RAB20: variants seen among roughly 807,000 people sequenced by gnomAD.
RAB20 encodes the protein ras-related protein Rab-20.
RAB20 carries 2 observed loss-of-function variants against 3.7 expected under a neutral mutation model. The ratio of observed to expected loss-of-function variants is 0.54; its 90% CI spans 0.22 to 1.69. The LOEUF (loss-of-function observed/expected upper bound fraction) is 1.69, where lower values mean the gene tolerates loss of function less well. Ranked by LOEUF, RAB20 falls within the 40% of genes most tolerant of loss-of-function variation. The pLI is 0.19. For missense variants in RAB20, 276 were observed against 311.9 expected, an observed-to-expected ratio of 0.88 and a Z score of 0.87; for synonymous variants, 126 against 130.8, an observed-to-expected ratio of 0.96 and a Z score of 0.25.
intron 1 of RAB20, among the ~76,000 whole-genome samples, chr13:110,548,958 A>G (rs1047964289): frequency 1.5e-4 from 23 of 152,234 alleles, no homozygotes; most frequent in Non-Finnish European, 1.5e-4. Flanking sequence ...CAGCCAGGTA[A>G]GGGCTGGGTC....
At chr13:110,544,720 A>G (rs1884822018) in intron 1 of RAB20, among the ~76,000 whole-genome samples, 1 of 152,230 alleles carries the variant, frequency 6.6e-6, no homozygotes. Context: ...AGAACCAGAG[A>G]GGAGTGCCAC....
At chr13:110,527,120 A>G (rs956620725) in intron 1 of RAB20, among the ~76,000 whole-genome samples, 6 of 152,136 alleles carry the variant, frequency 3.9e-5, no homozygotes, top group Non-Finnish European at 7.3e-5. Flanking sequence ...CCAAATAGCC[A>G]AGAAGCACAA....
In RAB20 at chr13:110,561,290, C is replaced by A. The variant is rs1466017933; in HGVS notation, c.172+58G>T. 3 of 1,482,666 alleles carry A rather than the reference C, an allele frequency of 2.0e-6. No homozygotes were observed. In the African/African-American group the frequency reaches 4.4e-5, roughly 22 times the overall value. The allele number at this position is 1,482,666 out of a possible 1,614,324, so 91.8% of individuals were successfully genotyped here. The stretch of plus-strand genomic sequence containing the variant: ...GCCGGGTGCCCTGCTGGAAGCCCCG[C>A]GCCCCCCGTCCCCGGCGGAGCCCCA... On this transcript the variant is annotated intron_variant, in intron 1 of 1. Transcript: ENST00000267328.
intron 1 of RAB20, among the ~76,000 whole-genome samples, chr13:110,526,215 C>T (rs984088540): frequency 3.9e-5 from 6 of 152,226 alleles, no homozygotes; most frequent in Non-Finnish European, 7.3e-5. Flanking sequence ...CCTCCACTCT[C>T]GAGCTCAGAA....
intron 1 of RAB20, among the ~76,000 whole-genome samples, chr13:110,558,417 CTT>C (rs1356807403): frequency 1.4e-5 from 2 of 142,018 alleles, no homozygotes; most frequent in African/African-American, 5.3e-5. Context: ...GAGTCTTACT[CTT>C]GTCACCCAGG....
At chr13:110,556,583 G>C (rs1885042818) in intron 1 of RAB20, among the ~76,000 whole-genome samples, 2 of 152,082 alleles carry the variant, frequency 1.3e-5, no homozygotes, top group Admixed American at 1.3e-4. Context: ...GCCCAGGCTG[G>C]AGTGCAGTGG....
At chr13:110,554,345 T>C (rs745749369) in intron 1 of RAB20, among the ~76,000 whole-genome samples, 4 of 152,090 alleles carry the variant, frequency 2.6e-5, no homozygotes, top group Non-Finnish European at 5.9e-5. Flanking sequence ...GCAACACATA[T>C]GACACAGCCT....
Position 110,523,980 on chromosome 13 carries a change from C to T in RAB20, c.390G>A (p.Glu130=), listed in dbSNP as rs773035299. ...CCCCAGCGTCCATATTGGGACTGCA[C>T]TCTTCCTTCTCCTGGCCCGCCAAGG... ...EGALAGQEKE[E]CSPNMDAGDR... Residue 130 remains glutamate (E), a synonymous_variant, in exon 2 of 2, where the codon GAG becomes GAA. Transcript: ENST00000267328. 4 of 1,614,172 alleles carry T rather than the reference C, an allele frequency of 2.5e-6. No homozygotes were observed. The Admixed American group carries it at 5.0e-5, about 20-fold the overall frequency.
chr13:110,533,983 G>T (rs1594130902), intron 1 of RAB20, among the ~76,000 whole-genome samples: 1 of 152,326 alleles, frequency 6.6e-6, no homozygotes, highest in Admixed American at 6.5e-5. Flanking sequence ...AGCCTCCAGA[G>T]AGCCAATGGC....
intron 1 of RAB20, among the ~76,000 whole-genome samples, chr13:110,533,472 CCT>C (rs1368921299): frequency 2.0e-5 from 3 of 152,046 alleles, no homozygotes; most frequent in African/African-American, 7.2e-5. Context: ...CCCTTGAGCC[CCT>C]GAGTTTGAGA....
chr13:110,524,154 C>T lies in RAB20; in HGVS notation c.216G>A (p.Gly72=). The change falls in exon 2 of 2, where the codon GGG becomes GGA. Residue 72 remains glycine, a synonymous_variant. Coordinates refer to ENST00000267328, the MANE Select transcript of RAB20 (RefSeq NM_017817.3). ...FHGLGSMYCR[G]AAAIILTYDV... Reference sequence around the variant, plus strand: ...CATAGGTGAGGATGATGGCGGCCGCCCCCCGGCAGTACATGGAGCCCAGGC... The same window carrying T: ...CATAGGTGAGGATGATGGCGGCCGCTCCCCGGCAGTACATGGAGCCCAGGC... 6.2e-7 allele frequency: 1 copy of T among 1,605,898 alleles called. No homozygotes were observed. Among genetic ancestry groups the T allele is most frequent in the South Asian group, 1.1e-5 (1 of 90,976 alleles).
intron 1 of RAB20, among the ~76,000 whole-genome samples, chr13:110,530,719 G>A (rs1480159521): frequency 4.5e-5 from 6 of 131,908 alleles, no homozygotes; most frequent in Non-Finnish European, 9.4e-5. Flanking sequence ...CGCAGACACA[G>A]GGCCCTAGGG....
intron 1 of RAB20, among the ~76,000 whole-genome samples, chr13:110,545,280 C>T (rs1884832771): frequency 6.6e-6 from 1 of 152,140 alleles, no homozygotes; most frequent in South Asian, 2.1e-4. Flanking sequence ...CATTGCATGC[C>T]TATGTCAACA....
intron 1 of RAB20, among the ~76,000 whole-genome samples, chr13:110,545,535 TC>T (rs1594135959): frequency 6.6e-6 from 1 of 152,272 alleles, no homozygotes; most frequent in East Asian, 1.9e-4. Context: ...TTATAGGCAG[TC>T]CTCCAAAAAG....
chr13:110,554,033 T>C (rs541464891), intron 1 of RAB20, among the ~76,000 whole-genome samples: 1 of 152,304 alleles, frequency 6.6e-6, no homozygotes, highest in Non-Finnish European at 1.5e-5. Flanking sequence ...GAGGATTGCT[T>C]GAGCCTGGGA....
At chr13:110,558,026 G>A (rs981132029) in intron 1 of RAB20, among the ~76,000 whole-genome samples, 13 of 152,260 alleles carry the variant, frequency 8.5e-5, no homozygotes, top group South Asian at 2.1e-4. Context: ...GCGGGGCAGC[G>A]GCCAGCCGGC....
At chr13:110,538,599 A>C (rs1191992627) in intron 1 of RAB20, among the ~76,000 whole-genome samples, 1 of 98,062 alleles carries the variant, frequency 1.0e-5, no homozygotes, top group Non-Finnish European at 1.9e-5. Context: ...TCTTCTCTCA[A>C]AAAAAAAAAA....
chr13:110,554,959 G>T (rs1211156173), intron 1 of RAB20, among the ~76,000 whole-genome samples: 1 of 147,620 alleles, frequency 6.8e-6, no homozygotes. Flanking sequence ...CCCAAGGGCA[G>T]GAAGACCAAG....
At chr13:110,547,462 C>A (rs189619040) in intron 1 of RAB20, among the ~76,000 whole-genome samples, 1 of 152,200 alleles carries the variant, frequency 6.6e-6, no homozygotes, top group Non-Finnish European at 1.5e-5. Flanking sequence ...AGTTCACAGG[C>A]ACCCCATGCA....
Sources: gnomAD v4.1 joint callset for allele counts (sites outside exome capture counted in the v4.1 genomes callset) on GRCh38, gnomAD v4.1.1 for gene constraint, MANE v1.5 for transcripts, NCBI Gene and HGNC (gene_info 2026-07-23, HGNC 2026-07-21) for gene names.